Variants in FAT3 observed in about 807,000 individuals in gnomAD.
The protein encoded by FAT3 is FAT atypical cadherin 3.
A neutral mutation model predicts 310.2 loss-of-function variants in FAT3; 95 were observed. The observed-to-expected ratio is 0.31, with a 90% confidence interval of 0.26 to 0.36. The LOEUF (loss-of-function observed/expected upper bound fraction) is 0.36, where lower values mean the gene tolerates loss of function less well. FAT3 is among the 10% of genes least tolerant of loss of function. FAT3 has a pLI of 1.00. For synonymous variants in FAT3, 2,314 were observed against 2,192.9 expected (o/e 1.06, Z -1.54); for missense variants, 5,408 against 5,715.6 (o/e 0.95, Z 1.74).
chr11:92,495,724 C>T (rs977508063), intron 2 of FAT3, among the ~76,000 whole-genome samples: 25 of 152,140 alleles, frequency 1.6e-4, no homozygotes, highest in African/African-American at 6.0e-4. Context: ...GAACACCCAT[C>T]CAACTCCAGT....
intron 2 of FAT3, among the ~76,000 whole-genome samples, chr11:92,360,451 C>T (rs914146198): frequency 6.6e-5 from 10 of 152,178 alleles, no homozygotes; most frequent in African/African-American, 2.4e-4. Flanking sequence ...GCAATTTAAT[C>T]GTATTTTTCC....
intron 2 of FAT3, among the ~76,000 whole-genome samples, chr11:92,374,247 G>C (rs370076809): frequency 6.6e-6 from 1 of 152,254 alleles, no homozygotes; most frequent in South Asian, 2.1e-4. Context: ...TCTTAATCCA[G>C]TCAAGTTAGC....
chr11:92,686,938 C>T (rs1181172182), intron 3 of FAT3, among the ~76,000 whole-genome samples: 1 of 152,170 alleles, frequency 6.6e-6, no homozygotes, highest in Non-Finnish European at 1.5e-5. Context: ...GCTGTTTTCA[C>T]ACCTCAAGTG....
intron 4 of FAT3, among the ~76,000 whole-genome samples, chr11:92,732,907 C>T (rs186544871): frequency 7.9e-5 from 12 of 152,178 alleles, no homozygotes; most frequent in East Asian, 1.9e-4. Flanking sequence ...TTCACTTGGA[C>T]GGTGGAAAGG....
chr11:92,361,999 T>C (rs1180267417), intron 2 of FAT3, among the ~76,000 whole-genome samples: 1 of 152,252 alleles, frequency 6.6e-6, no homozygotes, highest in Non-Finnish European at 1.5e-5. Context: ...TGCACACTGC[T>C]TTAAACAGAT....
chr11:92,778,015 A>G (rs1316541043), intron 7 of FAT3, among the ~76,000 whole-genome samples: 1 of 152,028 alleles, frequency 6.6e-6, no homozygotes, highest in African/African-American at 2.4e-5. Context: ...TGGAAGATCC[A>G]GTGGCTGCAT....
At chr11:92,441,115 A>G (rs1275576931) in intron 2 of FAT3, among the ~76,000 whole-genome samples, 1 of 152,252 alleles carries the variant, frequency 6.6e-6, no homozygotes, top group East Asian at 1.9e-4. Context: ...GCTGATTTAA[A>G]TTACTTTTGA....
intron 24 of FAT3, among the ~76,000 whole-genome samples, chr11:92,884,350 A>G (rs1451948255): frequency 6.6e-6 from 1 of 152,182 alleles, no homozygotes; most frequent in African/African-American, 2.4e-5. Flanking sequence ...CCAAAAAGGG[A>G]AGAAAGCAGA....
At chr11:92,331,588 T>C (rs531430076) in intron 1 of FAT3, among the ~76,000 whole-genome samples, 1 of 152,332 alleles carries the variant, frequency 6.6e-6, no homozygotes, top group South Asian at 2.1e-4. Flanking sequence ...TAAAACCACA[T>C]CCTGACTTCT....
At chr11:92,612,997 G>A (rs1940636778) in intron 3 of FAT3, among the ~76,000 whole-genome samples, 1 of 152,186 alleles carries the variant, frequency 6.6e-6, no homozygotes, top group Admixed American at 6.5e-5. Flanking sequence ...AGCATAATAG[G>A]TAGGACGGGA....
rs1274974698 is a variant in FAT3, at chr11:92,798,498, A to C, written c.5485A>C (p.Ser1829Arg). ...AAAAAAGTTTTTCACGGTGGACTCC[A>C]GTACAGGTGCAATCAGAACAATTGC... ...TAKKFFTVDS[S>R]TGAIRTIANL... Residue 1829 changes from serine (S) to arginine (R), a missense_variant, in exon 10 of 28, where the codon AGT becomes CGT. By Grantham distance (110) the Ser-to-Arg change is moderately radical. Around this residue, in one of 5 missense-constraint regions of FAT3, gnomAD observed 4,588 missense variants for 4,809.8 expected, o/e 0.95. Coordinates refer to ENST00000525166, the MANE Select transcript of FAT3 (RefSeq NM_001367949.2). The C allele has an allele frequency of 6.2e-7, 1 of 1,613,706 alleles. No homozygotes were observed. The highest frequency in any genetic ancestry group is 1.3e-5 in the African/African-American group (1 of 74,914).
intron 4 of FAT3, among the ~76,000 whole-genome samples, chr11:92,703,538 C>A (rs1347580277): frequency 3.3e-5 from 5 of 152,168 alleles, no homozygotes; most frequent in Admixed American, 6.5e-5. Context: ...TTGATGACAC[C>A]TTCTGTGCTC....
chr11:92,229,169 C>T (rs1280916263), intron 1 of FAT3, among the ~76,000 whole-genome samples: 7 of 152,164 alleles, frequency 4.6e-5, no homozygotes, highest in Non-Finnish European at 1.0e-4. Flanking sequence ...AAGCACAACT[C>T]CTGTGTATGC....
intron 3 of FAT3, among the ~76,000 whole-genome samples, chr11:92,573,770 C>T (rs523134): frequency 0.74 from 112,664 of 151,864 alleles, 44,063 homozygotes; most frequent in Non-Finnish European, 0.88. Flanking sequence ...CAGATTCTCC[C>T]TCAGAGCCTC....
intron 3 of FAT3, among the ~76,000 whole-genome samples, chr11:92,654,185 C>G (rs1256689662): frequency 6.6e-6 from 1 of 152,286 alleles, no homozygotes; most frequent in South Asian, 2.1e-4. Flanking sequence ...ACATTTCCCT[C>G]AGAATCCCAA....
chr11:92,228,316 G>A (rs542727319), intron 1 of FAT3, among the ~76,000 whole-genome samples: 2 of 152,192 alleles, frequency 1.3e-5, no homozygotes, highest in African/African-American at 2.4e-5. Flanking sequence ...TCATTTTGGG[G>A]ATTTTTTTAA....
At chr11:92,714,426 C>T (rs1386533889) in intron 4 of FAT3, among the ~76,000 whole-genome samples, 2 of 152,098 alleles carry the variant, frequency 1.3e-5, no homozygotes, top group African/African-American at 4.8e-5. Context: ...CACACTAAAA[C>T]ACTGATGAGG....
At chr11:92,291,103 AC>A (rs1946678329) in intron 1 of FAT3, among the ~76,000 whole-genome samples, 1 of 151,654 alleles carries the variant, frequency 6.6e-6, no homozygotes, top group African/African-American at 2.4e-5. Flanking sequence ...ACACACACAC[AC>A]ACACACACAC....
chr11:92,423,242 A>G (rs370803216), intron 2 of FAT3, among the ~76,000 whole-genome samples: 19 of 152,178 alleles, frequency 1.2e-4, no homozygotes, highest in South Asian at 4.1e-4. Context: ...AAGCTGAGTT[A>G]TGACCCTATA....
Sources: gnomAD v4.1 joint callset for allele counts (sites outside exome capture counted in the v4.1 genomes callset) on GRCh38, gnomAD v4.1.1 for gene constraint, gnomAD v4.1.1 regional missense constraint, MANE v1.5 for transcripts, NCBI Gene and HGNC (gene_info 2026-07-23, HGNC 2026-07-21) for gene names.